TSPAN15: variants seen among roughly 807,000 people sequenced by gnomAD.
TSPAN15 encodes tetraspanin-15.
TSPAN15 carries 20 observed loss-of-function variants against 34.5 expected under a neutral mutation model. The observed-to-expected ratio is 0.58, with a 90% CI of 0.41 to 0.84. TSPAN15 has a LOEUF of 0.84. TSPAN15 is among the 40% of genes least tolerant of loss of function. The pLI, the probability that TSPAN15 is intolerant of heterozygous loss-of-function variation, is 0.00. For synonymous variants in TSPAN15, 155 were observed against 153.9 expected (o/e 1.01, Z -0.05); for missense variants, 313 against 386.1 (o/e 0.81, Z 1.59).
At chr10:69,477,058 A>C (rs1841629727) in intron 1 of TSPAN15, among the ~76,000 whole-genome samples, 2 of 152,014 alleles carry the variant, frequency 1.3e-5, no homozygotes, top group African/African-American at 2.4e-5. Flanking sequence ...TGTGGGAGAG[A>C]AGACTGTTTT....
At chr10:69,522,443 C>CTT in the TSPAN15 span, among the ~76,000 whole-genome samples, 35 of 126,106 alleles carry the variant, frequency 2.8e-4, 1 homozygote, top group Admixed American at 4.4e-4. Flanking sequence ...AACCAGATTG[C>CTT]TTTTTTTTTT....
intron 2 of TSPAN15, 48 bp from the exon 3 acceptor site, chr10:69,485,093 C>CA (rs1564608951): frequency 6.4e-7 from 1 of 1,567,878 alleles, no homozygotes; most frequent in Non-Finnish European, 8.8e-7. Context: ...GTACCCCACA[C>CA]ACGCCCACTG....
chr10:69,539,805 C>T, the TSPAN15 span, among the ~76,000 whole-genome samples: 1 of 152,134 alleles, frequency 6.6e-6, no homozygotes, highest in Non-Finnish European at 1.5e-5. Context: ...CCATCATGTT[C>T]ATGTTCCAGC....
chr10:69,509,253 TGGCC>T (rs1564619726), downstream of TSPAN15, among the ~76,000 whole-genome samples: 1 of 135,446 alleles, frequency 7.4e-6, no homozygotes, highest in Non-Finnish European at 1.6e-5. Flanking sequence ...ACTGCACCGC[TGGCC>T]AGCTGCTTAT....
chr10:69,541,828 G>A, the TSPAN15 span, among the ~76,000 whole-genome samples: 1 of 152,220 alleles, frequency 6.6e-6, no homozygotes, highest in Non-Finnish European at 1.5e-5. Flanking sequence ...TGGAACTGAA[G>A]CAACTGGGAT....
chr10:69,522,317 G>A, the TSPAN15 span, among the ~76,000 whole-genome samples: 16 of 135,522 alleles, frequency 1.2e-4, 1 homozygote, highest in South Asian at 7.0e-4. Context: ...AGCAGTGAGC[G>A]CAGTGGCATG....
rs1247255618 is a variant in TSPAN15, at chr10:69,507,531, G to C, written c.*553G>C. Reference sequence around the variant, plus strand: ...AGCCTAGTTTTTTTACGTGATTTTTGTAACATTCATTTTTTTGTACAGATA... The same window carrying C: ...AGCCTAGTTTTTTTACGTGATTTTTCTAACATTCATTTTTTTGTACAGATA... On this transcript the variant is annotated 3_prime_UTR_variant, in exon 8 of 8. Transcript: ENST00000373290. The C allele has an allele frequency of 7.7e-7, 1 of 1,303,892 alleles. No individual in the cohort carries two copies. Among genetic ancestry groups the C allele is most frequent in the African/African-American group, 1.5e-5 (1 of 65,790 alleles). The allele number at this position is 1,303,892 out of a possible 1,614,324, so 80.8% of individuals were successfully genotyped here.
rs1206659357 is a variant in TSPAN15, at chr10:69,493,484, T to TC, written c.358-2110_358-2109insC. ...GAGCCCATCTCCTTTTTTTTTTTTT[T>TC]TTTTTTGAGACAGAGTCTTGCTCTG... On this transcript the variant is annotated intron_variant, in intron 3 of 7. Transcript: ENST00000373290. 2.0e-5 allele frequency among the ~76,000 whole-genome samples: 3 copies of TC among 149,940 alleles called. No individual in the cohort carries two copies. In the East Asian group the frequency reaches 5.8e-4, roughly 29 times the overall value.
chr10:69,494,280 G>A lies in TSPAN15; in HGVS notation c.358-1314G>A, dbSNP rs953997829. ...ACGGGATTTGTTTTCCACCAATGAC[G>A]TGGGTGTGAAGTAGTACCATAGAGT... On this transcript the variant is annotated intron_variant, in intron 3 of 7. Transcript: ENST00000373290. 2.6e-5 allele frequency among the ~76,000 whole-genome samples: 4 copies of A among 152,226 alleles called. No individual in the cohort carries two copies. In the East Asian group the frequency reaches 5.8e-4, roughly 22 times the overall value.
chr10:69,539,829 GGAAA>G, the TSPAN15 span, among the ~76,000 whole-genome samples: 12 of 152,096 alleles, frequency 7.9e-5, no homozygotes, highest in African/African-American at 2.7e-4. Context: ...CAAGAAGATG[GGAAA>G]GAGTGTACAA....
At chr10:69,478,579 T>G (rs1267403854) in intron 1 of TSPAN15, among the ~76,000 whole-genome samples, 1 of 152,150 alleles carries the variant, frequency 6.6e-6, no homozygotes, top group East Asian at 1.9e-4. Flanking sequence ...GCAGGAATGA[T>G]ATTTGCTTCC....
the TSPAN15 span, among the ~76,000 whole-genome samples, chr10:69,524,537 G>A: frequency 0.14 from 20,043 of 146,248 alleles, 3,193 homozygotes; most frequent in East Asian, 0.25. Context: ...CTCCTTCTTC[G>A]TGAAGAACAC....
chr10:69,486,053 G>A (rs1278447597), intron 3 of TSPAN15, among the ~76,000 whole-genome samples: 1 of 152,180 alleles, frequency 6.6e-6, no homozygotes, highest in Non-Finnish European at 1.5e-5. Flanking sequence ...CATACTAGCT[G>A]TGCCACCTTG....
chr10:69,523,447 C>A, the TSPAN15 span: 1 of 556,814 alleles, frequency 1.8e-6, no homozygotes, highest in East Asian at 6.6e-5. Flanking sequence ...TAGCAGTAAC[C>A]TGGCCCAAAG....
chr10:69,519,766 CT>C, the TSPAN15 span, among the ~76,000 whole-genome samples: 1 of 151,520 alleles, frequency 6.6e-6, no homozygotes, highest in African/African-American at 2.4e-5. Flanking sequence ...GAGTTTTGCT[CT>C]TGTTGCCCAG....
At chr10:69,462,368 T>C (rs1406866394) in intron 1 of TSPAN15, among the ~76,000 whole-genome samples, 1 of 152,044 alleles carries the variant, frequency 6.6e-6, no homozygotes, top group Non-Finnish European at 1.5e-5. Context: ...GGAGTCTTGC[T>C]CTGTCGCCCA....
chr10:69,545,250 C>T, the TSPAN15 span, among the ~76,000 whole-genome samples: 3 of 152,182 alleles, frequency 2.0e-5, no homozygotes, highest in Non-Finnish European at 2.9e-5. Flanking sequence ...GAGGGCATGG[C>T]TCAGGTTAAG....
chr10:69,485,680 GCGA>G (rs1194241736), intron 3 of TSPAN15, among the ~76,000 whole-genome samples: 2 of 152,152 alleles, frequency 1.3e-5, no homozygotes, highest in African/African-American at 4.8e-5. Flanking sequence ...TATGTGGGAA[GCGA>G]TGTGACCCAG....
intron 1 of TSPAN15, among the ~76,000 whole-genome samples, chr10:69,467,142 G>A (rs920370643): frequency 6.6e-6 from 1 of 152,164 alleles, no homozygotes; most frequent in Admixed American, 6.5e-5. Flanking sequence ...AAGGTGACAA[G>A]AGACCCTCCT....
Sources: gnomAD v4.1 joint callset for allele counts (sites outside exome capture counted in the v4.1 genomes callset) on GRCh38, gnomAD v4.1.1 for gene constraint, MANE v1.5 for transcripts, NCBI Gene and HGNC (gene_info 2026-07-23, HGNC 2026-07-21) for gene names.